EPX: variants seen among roughly 807,000 people sequenced by gnomAD.
EPX encodes eosinophil peroxidase.
A neutral mutation model predicts 73.0 loss-of-function variants in EPX; 60 were observed. The observed-to-expected ratio is 0.82, with a 90% CI of 0.67 to 1.02. The LOEUF (loss-of-function observed/expected upper bound fraction) is 1.02, where lower values mean the gene tolerates loss of function less well. EPX is among the 50% of genes least tolerant of loss of function. EPX has a pLI of 0.00. For missense variants in EPX, 950 were observed against 973.9 expected (o/e 0.98, Z 0.33); for synonymous variants, 347 against 389.2 (o/e 0.89, Z 1.28).
chr17:58,194,572 C>G (rs1452412878), intron 5 of EPX, among the ~76,000 whole-genome samples: 1 of 152,162 alleles, frequency 6.6e-6, no homozygotes, highest in South Asian at 2.1e-4. Flanking sequence ...CTGCTGACCC[C>G]GTACTCCCTA....
intron 1 of EPX, 27 bp downstream of exon 1, chr17:58,192,949 G>A: frequency 8.1e-6 from 13 of 1,609,980 alleles, no homozygotes; most frequent in Non-Finnish European, 1.1e-5. Flanking sequence ...CAGGCAAGGA[G>A]GAGGGAGGGG....
chr17:58,199,966 C>T (rs1395137196), intron 9 of EPX, among the ~76,000 whole-genome samples, 172 bp downstream of exon 9: 1 of 152,182 alleles, frequency 6.6e-6, no homozygotes, highest in Non-Finnish European at 1.5e-5. Flanking sequence ...CACGGGCCTC[C>T]CATCCTGTGT....
Position 58,197,264 on chromosome 17 carries a change from C to CTT in EPX, c.1120+7_1120+8insTT. 1 of 1,610,334 alleles carries CTT rather than the reference C, an allele frequency of 6.2e-7. No individual in the cohort carries two copies. The highest frequency in any genetic ancestry group is 8.5e-7 in the Non-Finnish European group (1 of 1,179,994). On this transcript the variant is annotated splice_region_variant and intron_variant, in intron 7 of 12. Transcript: ENST00000225371. ...ATCCCCTGCTTCCTGGCAGGTCAGA[C>CTT]AGGGAGGAAGGTGGTGTCTTCCCAG...
rs995029710 is a variant in EPX at position 58,193,268 on chromosome 17, T to A, written c.171-103T>A. 1.6e-5 allele frequency: 21 copies of A among 1,309,614 alleles called. No individual in the cohort carries two copies. The African/African-American group carries it at 2.9e-4, about 18-fold the overall frequency. The allele number at this position is 1,309,614 out of a possible 1,614,324, so 81.1% of individuals were successfully genotyped here. On this transcript the variant is annotated intron_variant, in intron 2 of 12. Coordinates refer to ENST00000225371, the MANE Select transcript of EPX (RefSeq NM_000502.6). ...GTTGGTAGAGCCTCCCTTCCATCCA[T>A]CCTTCTGTCCGCTTGCCCTGTCCTG...
chr17:58,202,906 A>G (rs1374725777), intron 10 of EPX, 175 bp from the exon 11 acceptor site: 8 of 656,272 alleles, frequency 1.2e-5, no homozygotes, highest in Non-Finnish European at 1.9e-5. Flanking sequence ...CACATTTTCA[A>G]TCAGAGGACA....
rs200969873 is a variant in EPX, at chr17:58,195,054, C to T, written c.685C>T (p.Gln229Ter). Reference protein sequence around the residue: ...GRALMFMQWGQFIDHDLDFSP... With the variant: ...GRALMFMQWG ...AGCCCTCATGTTCATGCAGTGGGGC[C>T]AGTTCATTGACCATGACCTGGACTT... The change falls in exon 6 of 13, where the codon CAG becomes TAG. Residue 229 changes from glutamine (Q) to a stop codon, truncating the protein, a stop_gained. Coordinates refer to ENST00000225371, the MANE Select transcript of EPX (RefSeq NM_000502.6). LOFTEE classifies it high-confidence loss of function. 539 of 1,613,898 alleles carry T rather than the reference C, an allele frequency of 3.3e-4. 7 individuals are homozygous for T. In the Middle Eastern group the frequency reaches 5.3e-3, roughly 16 times the overall value.
rs143977496 is a variant in EPX, at chr17:58,195,021, C to G, written c.652C>G (p.Arg218Gly). 22 of 1,614,126 alleles carry G rather than the reference C, an allele frequency of 1.4e-5. No homozygotes were observed. In the East Asian group the frequency reaches 4.7e-4, roughly 34 times the overall value. Residue 218 changes from arginine to glycine, a missense_variant, in exon 6 of 13, where the codon CGT (arginine) becomes GGT (glycine). Physicochemically the swap from Arg to Gly is moderately radical, Grantham distance 125. Transcript: ENST00000225371. Reference sequence around the variant, plus strand: ...CCCCAATGAGAGACTGACCTCCGACCGTGGCCGAGCCCTCATGTTCATGCA... The same window carrying G: ...CCCCAATGAGAGACTGACCTCCGACGGTGGCCGAGCCCTCATGTTCATGCA... ...RFPNERLTSD[R>G]GRALMFMQWG...
In EPX at chr17:58,203,119, C is replaced by T; in HGVS notation, c.1747C>T (p.Pro583Ser). ...AWRRFCGLSQ[P>S]RNLAQLSRVL... is the part of the protein sequence containing the mutation. The stretch of plus-strand genomic sequence containing the variant: ...GAGGCGCTTCTGTGGGCTCTCCCAG[C>T]CCCGGAATTTGGCACAGCTTAGCCG... The change falls in exon 11 of 13, where the codon CCC becomes TCC. Residue 583 changes from proline to serine, a missense_variant. By Grantham distance (74) the Pro-to-Ser change is moderately conservative (BLOSUM62 -1). Transcript: ENST00000225371. The T allele has an allele frequency of 6.2e-7, 1 of 1,614,166 alleles. No individual in the cohort carries two copies. The highest frequency in any genetic ancestry group is 8.5e-7 in the Non-Finnish European group (1 of 1,180,030).
intron 7 of EPX, 28 bp from the exon 8 acceptor site, chr17:58,199,012 C>T: frequency 6.2e-7 from 1 of 1,611,246 alleles, no homozygotes; most frequent in East Asian, 2.2e-5. Context: ...GGAAAGGCTG[C>T]AGTAAATCTG....
chr17:58,199,401 T>C, intron 8 of EPX, 138 bp from the exon 9 acceptor site: 1 of 1,162,632 alleles, frequency 8.6e-7, no homozygotes. Context: ...GGGCTTTGTA[T>C]CTCCACCCAC....
rs769681921 is a variant in EPX, at chr17:58,204,234, G to A, written c.1959G>A (p.Gln653=). Residue 653 remains glutamine, a synonymous_variant, in exon 12 of 13, where the codon CAG becomes CAA. Transcript: ENST00000225371. ...RARDGDRFWW[Q]KRGVFTKRQR... is the part of the protein sequence containing the mutation. ...GACTGCCTGGTAGGTTCTGGTGGCAGAAACGAGGTGTTTTCACCAAAAGAC... is the reference window on the plus strand; with the variant it reads ...GACTGCCTGGTAGGTTCTGGTGGCAAAAACGAGGTGTTTTCACCAAAAGAC... 1 of 1,613,894 alleles carries A rather than the reference G, an allele frequency of 6.2e-7. No individual in the cohort carries two copies. Among genetic ancestry groups the A allele is most frequent in the African/African-American group, 1.3e-5 (1 of 74,932 alleles).
intron 11 of EPX, 130 bp downstream of exon 11, chr17:58,203,448 T>C: frequency 1.3e-6 from 1 of 770,616 alleles, no homozygotes; most frequent in East Asian, 2.6e-5. Flanking sequence ...GGATCTGAAA[T>C]CAGGAGGCTC....
At chr17:58,203,995 G>A (rs991154302) in intron 11 of EPX, among the ~76,000 whole-genome samples, 1 of 136,150 alleles carries the variant, frequency 7.3e-6, no homozygotes, top group African/African-American at 2.7e-5. Flanking sequence ...TTTGGAGTTG[G>A]TATTGCCCGA....
chr17:58,199,841 T>C (rs775287844), intron 9 of EPX, 47 bp downstream of exon 9: 2 of 1,595,146 alleles, frequency 1.3e-6, no homozygotes, highest in South Asian at 1.1e-5. Flanking sequence ...GTGGGGAGCA[T>C]GCCCTCCCCT....
chr17:58,203,931 C>CAAAAAAAAA lies in EPX; in HGVS notation c.1947-260_1947-252dup, dbSNP rs567848038. ...TGGGCGACAGAGCGAGACTCCGTCT[C>CAAAAAAAAA]AAAAAAAAAAAAAAAAAAAAAAAAA... On this transcript the variant is annotated intron_variant, in intron 11 of 12. Coordinates refer to ENST00000225371, the MANE Select transcript of EPX (RefSeq NM_000502.6). 3.2e-4 allele frequency among the ~76,000 whole-genome samples: 5 copies of CAAAAAAAAA among 15,778 alleles called. 1 individual carries two copies. The highest frequency in any genetic ancestry group is 2.4e-3 in the Admixed American group (2 of 846). 10.4% of individuals were successfully genotyped at this position (15,778 alleles called of 152,430 possible).
chr17:58,197,237 G>A lies in EPX; in HGVS notation c.1100G>A (p.Arg367His), dbSNP rs764865930. 86 of 1,612,042 alleles carry A rather than the reference G, an allele frequency of 5.3e-5. No individual in the cohort carries two copies. Among genetic ancestry groups the A allele is most frequent in the Admixed American group, 3.5e-4 (21 of 60,002 alleles). The stretch of plus-strand genomic sequence containing the variant: ...TGTCTCCTCACCAACCGCTCGGCGC[G>A]CATCCCCTGCTTCCTGGCAGGTCAG... ...DPCLLTNRSA[R>H]IPCFLAGDTR... The change falls in exon 7 of 13, where the codon CGC becomes CAC. Residue 367 changes from arginine to histidine, a missense_variant. Arg to His is a conservative substitution (Grantham distance 29). Coordinates refer to ENST00000225371, the MANE Select transcript of EPX (RefSeq NM_000502.6).
chr17:58,194,884 C>T, intron 5 of EPX, 80 bp from the exon 6 acceptor site: 1 of 1,035,200 alleles, frequency 9.7e-7, no homozygotes. Context: ...GGAGCTGCTG[C>T]TCCCTGAGTC....
rs553802170 is a variant in EPX at position 58,203,067 on chromosome 17, C to A, written c.1709-14C>A. On this transcript the variant is annotated splice_polypyrimidine_tract_variant and intron_variant, in intron 10 of 12. Transcript: ENST00000225371. ...TCAGCAAGACTGAAGCTGCTTCTCCCCGTTCCCCTGCAGGGTACAATGCTT... is the reference window on the plus strand; with the variant it reads ...TCAGCAAGACTGAAGCTGCTTCTCCACGTTCCCCTGCAGGGTACAATGCTT... The A allele has an allele frequency of 1.3e-6, 2 of 1,594,334 alleles. No individual in the cohort carries two copies. The highest frequency in any genetic ancestry group is 1.3e-5 in the African/African-American group (1 of 74,510).
In EPX at chr17:58,192,906, T is replaced by C. The variant is rs774219039; in HGVS notation, c.60T>C (p.Cys20=). 2.5e-6 allele frequency: 4 copies of C among 1,613,886 alleles called. No individual in the cohort carries two copies. Among genetic ancestry groups the C allele is most frequent in the Non-Finnish European group, 3.4e-6 (4 of 1,179,924 alleles). ...CCACACTCGTCCTCGCCCAGCCCTG[T>C]GAGGGCACTGACCCAGGTAATAGTC... The part of the protein sequence containing the change: ...VLATLVLAQP[C]EGTDPASPGA... Residue 20 remains cysteine, a synonymous_variant, in exon 1 of 13, where the codon TGT becomes TGC. Transcript: ENST00000225371.
Sources: allele counts gnomAD v4.1 joint callset (sites outside exome capture counted in the v4.1 genomes callset), GRCh38; gene constraint gnomAD v4.1.1; transcripts MANE v1.5; gene names NCBI Gene and HGNC (gene_info 2026-07-23, HGNC 2026-07-21).